SUMF1: variants seen among roughly 807,000 people sequenced by gnomAD.
SUMF1 encodes formylglycine-generating enzyme.
A neutral mutation model predicts 47.6 loss-of-function variants in SUMF1; 48 were observed. The observed-to-expected ratio is 1.01, with a 90% confidence interval of 0.80 to 1.28. The LOEUF is 1.28. Ranked by LOEUF, SUMF1 falls within the 50% of genes most tolerant of loss-of-function variation. The pLI is 0.00. For synonymous variants in SUMF1, 230 were observed against 192.1 expected, an observed-to-expected ratio of 1.20 and a Z score of -1.63; for missense variants, 571 against 485.4, an observed-to-expected ratio of 1.18 and a Z score of -1.66.
intron 6 of SUMF1, among the ~76,000 whole-genome samples, chr3:4,415,941 A>G (rs999800350): frequency 6.6e-6 from 1 of 152,224 alleles, no homozygotes; most frequent in Non-Finnish European, 1.5e-5. Context: ...GCCGACATCA[A>G]TCATGCTGCT....
At chr3:4,312,873 C>T in intron 8 of SUMF1, 5 of 1,586,622 alleles carry the variant, frequency 3.2e-6, no homozygotes, top group Non-Finnish European at 3.4e-6. Flanking sequence ...GCCGTGCTGA[C>T]TTACAGTGTG....
At chr3:4,159,273 AT>A (rs60482121) in intron 8 of SUMF1, among the ~76,000 whole-genome samples, 47 of 143,272 alleles carry the variant, frequency 3.3e-4, no homozygotes, top group African/African-American at 4.2e-4. Context: ...CTCTGGTGGT[AT>A]TTTTTTTTTT....
intron 8 of SUMF1, among the ~76,000 whole-genome samples, chr3:4,254,275 C>T (rs1003459100): frequency 2.6e-5 from 4 of 151,868 alleles, no homozygotes. Flanking sequence ...ATGACTTTGA[C>T]GAGCTGAGAG....
intron 8 of SUMF1, among the ~76,000 whole-genome samples, chr3:4,119,713 A>AACAC (rs144771849): frequency 0.033 from 4,889 of 149,102 alleles, 296 homozygotes; most frequent in African/African-American, 0.11. Context: ...CACATACACA[A>AACAC]ACACACACAC....
At chr3:4,249,530 G>A (rs1186648290) in intron 8 of SUMF1, among the ~76,000 whole-genome samples, 2 of 152,034 alleles carry the variant, frequency 1.3e-5, no homozygotes, top group Admixed American at 6.6e-5. Flanking sequence ...CACAAATCAC[G>A]TCCATATAAG....
chr3:4,230,751 G>A (rs1453990177), intron 8 of SUMF1, among the ~76,000 whole-genome samples: 1 of 152,016 alleles, frequency 6.6e-6, no homozygotes, highest in East Asian at 1.9e-4. Context: ...TCTTTCTGGT[G>A]ACCAGCCCCC....
chr3:4,073,629 G>A (rs1002778848), intron 8 of SUMF1, among the ~76,000 whole-genome samples: 6 of 152,112 alleles, frequency 3.9e-5, no homozygotes, highest in East Asian at 3.9e-4. Context: ...CAAAATAAAC[G>A]TATGGGGGAA....
At chr3:4,142,482 CTTAA>C (rs1351799728) in intron 8 of SUMF1, among the ~76,000 whole-genome samples, 1 of 152,010 alleles carries the variant, frequency 6.6e-6, no homozygotes, top group Non-Finnish European at 1.5e-5. Flanking sequence ...TTTTGTAATC[CTTAA>C]TTATTTGATG....
At chr3:4,364,093 A>G (rs1329069662) in intron 8 of SUMF1, among the ~76,000 whole-genome samples, 4 of 135,124 alleles carry the variant, frequency 3.0e-5, no homozygotes, top group Admixed American at 1.6e-4. Flanking sequence ...CATGGTGGAT[A>G]AGCTTTTTGA....
intron 8 of SUMF1, among the ~76,000 whole-genome samples, chr3:4,155,283 A>T (rs1694427583): frequency 6.6e-6 from 1 of 151,310 alleles, no homozygotes; most frequent in Non-Finnish European, 1.5e-5. Flanking sequence ...GGTATGGTAG[A>T]TATTTGCTGC....
chr3:4,340,169 T>A (rs1185089223), intron 8 of SUMF1, among the ~76,000 whole-genome samples: 1 of 151,982 alleles, frequency 6.6e-6, no homozygotes, highest in African/African-American at 2.4e-5. Context: ...GAGTTGTTAA[T>A]GTAGTAGATC....
chr3:4,090,120 T>TG (rs1297002595), intron 8 of SUMF1, among the ~76,000 whole-genome samples: 1 of 152,136 alleles, frequency 6.6e-6, no homozygotes, highest in Non-Finnish European at 1.5e-5. Context: ...TTCATTAATA[T>TG]TTGGTAAATG....
chr3:4,362,017 A>G lies in SUMF1; in HGVS notation c.*127T>C. On this transcript the variant is annotated 3_prime_UTR_variant, in exon 9 of 9. Transcript: ENST00000272902. Reference sequence around the variant, plus strand: ...GTCTCACAAGGCGGTTCCTTTGGCCATTGGGCAGGTATGTAACCCACCTCA... The same window carrying G: ...GTCTCACAAGGCGGTTCCTTTGGCCGTTGGGCAGGTATGTAACCCACCTCA... 2 of 879,940 alleles carry G rather than the reference A, an allele frequency of 2.3e-6. No homozygotes were observed. The highest frequency in any genetic ancestry group is 3.6e-6 in the Non-Finnish European group (2 of 548,160). 54.5% of individuals were successfully genotyped at this position (879,940 alleles called of 1,614,324 possible).
At chr3:4,173,337 C>T (rs1316099287) in intron 8 of SUMF1, among the ~76,000 whole-genome samples, 1 of 152,100 alleles carries the variant, frequency 6.6e-6, no homozygotes, top group African/African-American at 2.4e-5. Context: ...GAGACACCAT[C>T]TCATGCCAGT....
chr3:4,214,314 G>A (rs114441486), intron 8 of SUMF1, among the ~76,000 whole-genome samples: 1,899 of 152,216 alleles, frequency 0.012, 18 homozygotes, highest in Middle Eastern at 0.027. Flanking sequence ...TGACTACTCA[G>A]TAAATAACAA....
chr3:4,292,747 G>C (rs1697764831), intron 8 of SUMF1, among the ~76,000 whole-genome samples: 1 of 152,004 alleles, frequency 6.6e-6, no homozygotes, highest in Non-Finnish European at 1.5e-5. Context: ...CAAAATCTAG[G>C]GTCTGGAAAG....
chr3:4,076,527 C>T (rs2125041473), intron 8 of SUMF1, among the ~76,000 whole-genome samples: 1 of 152,186 alleles, frequency 6.6e-6, no homozygotes, highest in African/African-American at 2.4e-5. Flanking sequence ...TTCTGCACAG[C>T]AAATGAAACT....
rs560206176 is a variant in SUMF1, at chr3:4,389,651, T to A, written c.955-13262A>T. Among the ~76,000 whole-genome samples the A allele has an allele frequency of 3.3e-5, 5 of 152,328 alleles. No individual in the cohort carries two copies. In the South Asian group the frequency reaches 6.2e-4, roughly 19 times the overall value. ...CCTTGTGGCTCTCAACATTTCTTCA[T>A]TTACTGTTTTCTTTCCACTGCTCAG... On this transcript the variant is annotated intron_variant, in intron 7 of 8. Transcript: ENST00000272902.
chr3:4,423,025 C>A (rs1224530347), intron 3 of SUMF1, among the ~76,000 whole-genome samples: 1 of 152,078 alleles, frequency 6.6e-6, no homozygotes, highest in Non-Finnish European at 1.5e-5. Context: ...TAAGTGAGAA[C>A]ATATGTTGTT....
Sources: gnomAD v4.1 joint callset for allele counts (sites outside exome capture counted in the v4.1 genomes callset) on GRCh38, gnomAD v4.1.1 for gene constraint, MANE v1.5 for transcripts, NCBI Gene and HGNC (gene_info 2026-07-23, HGNC 2026-07-21) for gene names.